REXO1: variants seen among roughly 807,000 people sequenced by gnomAD.
REXO1 encodes the protein RNA exonuclease 1 homolog.
In REXO1, 42 loss-of-function variants were observed where a neutral mutation model predicts 102.6. That is an observed-to-expected ratio of 0.41 (90% CI 0.32 to 0.53). The LOEUF is 0.53. REXO1 is among the 20% of genes least tolerant of loss of function. The pLI is 0.27. For missense variants in REXO1, 1,819 were observed against 1,732.5 expected (o/e 1.05, Z -0.89); for synonymous variants, 908 against 779.1 (o/e 1.17, Z -2.76).
At chr19:1,818,283 T>C (rs960781144) in intron 10 of REXO1, among the ~76,000 whole-genome samples, 199 bp downstream of exon 10, 1 of 152,178 alleles carries the variant, frequency 6.6e-6, no homozygotes, top group African/African-American at 2.4e-5. Context: ...GCTCTTGTCT[T>C]ACTTTTGCAT....
Position 1,837,888 on chromosome 19 carries a change from T to C in REXO1, c.158-9257A>G, listed in dbSNP as rs2070087070. ...TCTGCTCTCTGGGGCGTCCTGGGCATTTATTCACCTCATGGGGCGGCCGTC... is the reference window on the plus strand; with the variant it reads ...TCTGCTCTCTGGGGCGTCCTGGGCACTTATTCACCTCATGGGGCGGCCGTC... On this transcript the variant is annotated intron_variant, in intron 1 of 15. Transcript: ENST00000170168. Among the ~76,000 whole-genome samples the C allele has an allele frequency of 2.6e-5, 4 of 152,322 alleles. No homozygotes were observed. In the South Asian group the frequency reaches 8.3e-4, roughly 32 times the overall value.
rs938053134 is a variant in REXO1, at chr19:1,848,404, A to T, written c.-46T>A. ...CCCGGCCCGGAGCCGCCCGGGCCCC[A>T]GGGCCCCCTCACTGGCGCCGCGGTC... On this transcript the variant is annotated 5_prime_UTR_variant, in exon 1 of 16. Transcript: ENST00000170168. The T allele has an allele frequency of 9.5e-6, 11 of 1,160,196 alleles. No homozygotes were observed. Among genetic ancestry groups the T allele is most frequent in the African/African-American group, 1.6e-5 (1 of 60,922 alleles). 71.9% of individuals were successfully genotyped at this position (1,160,196 alleles called of 1,614,324 possible).
chr19:1,845,760 A>G (rs2011507107), intron 1 of REXO1, among the ~76,000 whole-genome samples: 1 of 152,156 alleles, frequency 6.6e-6, no homozygotes, highest in African/African-American at 2.4e-5. Context: ...AAGGTCGCCA[A>G]TGACCCGCTG....
intron 1 of REXO1, among the ~76,000 whole-genome samples, chr19:1,831,950 C>G (rs1210010842): frequency 6.6e-6 from 1 of 151,912 alleles, no homozygotes; most frequent in East Asian, 1.9e-4. Context: ...GAACAAAAGC[C>G]TCCCCAGGTA....
chr19:1,836,867 G>A (rs557462445), intron 1 of REXO1, among the ~76,000 whole-genome samples: 66 of 152,248 alleles, frequency 4.3e-4, no homozygotes, highest in Non-Finnish European at 6.9e-4. Context: ...TCCAGCCCAG[G>A]CAGTGGGCCC....
At chr19:1,822,029 C>T in intron 4 of REXO1, 1 of 510,726 alleles carries the variant, frequency 2.0e-6, no homozygotes, top group East Asian at 3.4e-5. Flanking sequence ...GTCTCGGGTG[C>T]CCCCACCTGC....
At chr19:1,830,707 C>A in intron 1 of REXO1, 1 of 242,234 alleles carries the variant, frequency 4.1e-6, no homozygotes. Flanking sequence ...CTCCCTTGCC[C>A]GTCACTGAGG....
Position 1,826,782 on chromosome 19 carries a change from C to T in REXO1, c.1911+96G>A, listed in dbSNP as rs2145274424. Reference sequence around the variant, plus strand: ...GAGGAGCTGCCTCCACCCCGTGCCTCCGAGCCAACTGGAAACCACTCCAGA... The same window carrying T: ...GAGGAGCTGCCTCCACCCCGTGCCTTCGAGCCAACTGGAAACCACTCCAGA... On this transcript the variant is annotated intron_variant, in intron 2 of 15. Coordinates refer to ENST00000170168, the MANE Select transcript of REXO1 (RefSeq NM_020695.4). The surrounding 1 kb of genome is among the most constrained non-coding windows in gnomAD (Gnocchi z 4.3). 6.6e-7 allele frequency: 1 copy of T among 1,506,832 alleles called. No individual in the cohort carries two copies. Among genetic ancestry groups the T allele is most frequent in the Non-Finnish European group, 8.8e-7 (1 of 1,132,442 alleles). 93.3% of individuals were successfully genotyped at this position (1,506,832 alleles called of 1,614,324 possible).
At position 1,827,530 on chromosome 19, in the gene REXO1, G is replaced by A. The variant is rs1044995231; in HGVS notation, c.1259C>T (p.Ala420Val). The change falls in exon 2 of 16, where the codon GCC (alanine) becomes GTC (valine). Residue 420 changes from alanine to valine, a missense_variant. Transcript: ENST00000170168. ...KPRADKKGPQASSPRRKAERP... is the reference protein window; with the variant it reads ...KPRADKKGPQVSSPRRKAERP... ...CTCTGCCTTGCGCCGGGGGCTGCTG[G>A]CCTGCGGGCCCTTCTTGTCCGCACG... 4 of 1,584,862 alleles carry A rather than the reference G, an allele frequency of 2.5e-6. No homozygotes were observed. The highest frequency in any genetic ancestry group is 2.8e-5 in the African/African-American group (2 of 72,724).
In REXO1 at chr19:1,828,390, G is replaced by A. The variant is rs771940992; in HGVS notation, c.399C>T (p.Asn133=). Residue 133 remains asparagine (N), a synonymous_variant, in exon 2 of 16, where the codon AAC becomes AAT. Coordinates refer to ENST00000170168, the MANE Select transcript of REXO1 (RefSeq NM_020695.4). ...CGTCCGGGCCCACAGTGGGGCTGGCGTTGGGGCCGCGGGGCGCCAGGGCGG... is the reference window on the plus strand; with the variant it reads ...CGTCCGGGCCCACAGTGGGGCTGGCATTGGGGCCGCGGGGCGCCAGGGCGG... ...EAPALAPRGP[N]ASPTVGPDED... The A allele has an allele frequency of 1.9e-5, 31 of 1,607,860 alleles. No individual in the cohort carries two copies. Among genetic ancestry groups the A allele is most frequent in the South Asian group, 1.2e-4 (11 of 90,702 alleles).
rs1568698012 is a variant in REXO1, at chr19:1,827,627, TG to T, written c.1161del (p.Ser388AlafsTer105). On this transcript the variant is annotated frameshift_variant, in exon 2 of 16. Transcript: ENST00000170168. LOFTEE classifies it high-confidence loss of function. ...TTCCCCTGGGCCCCGTCTTTGCAGC[TG>T]GGGGCAGGTGGGGCCCCGGTTTTTT... is the stretch of plus-strand genomic sequence containing the variant. ...KKKKTGAPPAPSCKDGAQGKD... is the reference protein window; with the variant it reads ...KKKKTGAPPAXSCKDGAQGKD... The T allele has an allele frequency of 6.4e-7, 1 of 1,573,162 alleles. No individual in the cohort carries two copies.
chr19:1,817,845 G>T, intron 10 of REXO1, 65 bp from the exon 11 acceptor site: 1 of 1,335,452 alleles, frequency 7.5e-7, no homozygotes, highest in South Asian at 1.2e-5. Flanking sequence ...CCGGGGCACT[G>T]ACCACCTGCA....
rs767396382 is a variant in REXO1, at chr19:1,828,201, G to A, written c.588C>T (p.Gly196=). 268 of 1,605,416 alleles carry A rather than the reference G, an allele frequency of 1.7e-4. No individual in the cohort carries two copies. The East Asian group carries it at 4.3e-3, about 26-fold the overall frequency. ...CCTTGGGGACGTATTCCAGGGCACC[G>A]CCACCCCCTCCACCTCTGCCCTGAC... ...DRGQGRGGGG[G]GALEYVPKAV... The change falls in exon 2 of 16, where the codon GGC becomes GGT. Residue 196 remains glycine (G), a synonymous_variant. Coordinates refer to ENST00000170168, the MANE Select transcript of REXO1 (RefSeq NM_020695.4).
At position 1,827,739 on chromosome 19, in the gene REXO1, C is replaced by T; in HGVS notation, c.1050G>A (p.Gln350=). Residue 350 remains glutamine, a synonymous_variant, in exon 2 of 16, where the codon CAG becomes CAA. Coordinates refer to ENST00000170168, the MANE Select transcript of REXO1 (RefSeq NM_020695.4). Reference sequence around the variant, plus strand: ...GGGAGGCGGGCTTGGCTGGGGGCGGCTGGAGGTCCCCCACGTCGCACTGCA... The same window carrying T: ...GGGAGGCGGGCTTGGCTGGGGGCGGTTGGAGGTCCCCCACGTCGCACTGCA... ...TAVQCDVGDL[Q]PPPAKPASPA... 1 of 1,569,902 alleles carries T rather than the reference C, an allele frequency of 6.4e-7. No individual in the cohort carries two copies. Among genetic ancestry groups the T allele is most frequent in the Non-Finnish European group, 8.6e-7 (1 of 1,168,648 alleles).
At chr19:1,843,674 C>T (rs892769352) in intron 1 of REXO1, among the ~76,000 whole-genome samples, 6 of 152,254 alleles carry the variant, frequency 3.9e-5, no homozygotes, top group African/African-American at 1.4e-4. Context: ...AAAGACAATA[C>T]TGCTGGCTGC....
At chr19:1,846,241 C>T (rs2011531402) in intron 1 of REXO1, among the ~76,000 whole-genome samples, 1 of 152,170 alleles carries the variant, frequency 6.6e-6, no homozygotes, top group African/African-American at 2.4e-5. Context: ...GAGGTGTGGA[C>T]ATGGGACATG....
At position 1,816,271 on chromosome 19, in the gene REXO1, C is replaced by A; in HGVS notation, c.3531G>T (p.Leu1177=). Residue 1177 remains leucine (L), a synonymous_variant, in exon 15 of 16, where the codon CTG becomes CTT. Coordinates refer to ENST00000170168, the MANE Select transcript of REXO1 (RefSeq NM_020695.4). ...HRLGLPYKRS[L]RNLMADYLRQ... ...TGAGGTAGTCGGCCATGAGGTTCCGCAGGGACCGCTTGTAGGGGAGGCCCA... is the reference window on the plus strand; with the variant it reads ...TGAGGTAGTCGGCCATGAGGTTCCGAAGGGACCGCTTGTAGGGGAGGCCCA... 1.3e-6 allele frequency: 2 copies of A among 1,588,206 alleles called. No homozygotes were observed. The highest frequency in any genetic ancestry group is 1.7e-6 in the Non-Finnish European group (2 of 1,167,682).
At chr19:1,836,833 C>T (rs1038782208) in intron 1 of REXO1, among the ~76,000 whole-genome samples, 3 of 152,024 alleles carry the variant, frequency 2.0e-5, no homozygotes, top group African/African-American at 7.2e-5. Flanking sequence ...CTCAACGCAA[C>T]CAGGCATCAG....
intron 1 of REXO1, among the ~76,000 whole-genome samples, chr19:1,831,455 A>G (rs765602769): frequency 5.3e-5 from 8 of 152,074 alleles, no homozygotes; most frequent in Non-Finnish European, 1.0e-4. Context: ...AAGACCTCCC[A>G]CTGTGGGCGA....
Sources: gnomAD v4.1 joint callset for allele counts (sites outside exome capture counted in the v4.1 genomes callset) on GRCh38, gnomAD v4.1.1 for gene constraint, Gnocchi (gnomAD v3.1) non-coding constraint, MANE v1.5 for transcripts, NCBI Gene and HGNC (gene_info 2026-07-23, HGNC 2026-07-21) for gene names.